FSHR: variants seen among roughly 807,000 people sequenced by gnomAD.
FSHR encodes the protein follicle-stimulating hormone receptor.
A neutral mutation model predicts 52.1 loss-of-function variants in FSHR; 46 were observed. The observed-to-expected ratio is 0.88, with a 90% CI of 0.70 to 1.13. The LOEUF (loss-of-function observed/expected upper bound fraction) is 1.13. FSHR is among the 50% of genes most tolerant of loss of function. The pLI is 0.00. For synonymous variants in FSHR, 399 were observed against 309.6 expected (o/e 1.29, Z -3.03); for missense variants, 964 against 834.6 (o/e 1.16, Z -1.91).
At chr2:49,109,804 G>A (rs13026647) in intron 1 of FSHR, among the ~76,000 whole-genome samples, 32,590 of 152,040 alleles carry the variant, frequency 0.21, 4,223 homozygotes, top group East Asian at 0.47. Context: ...AATTAGGAAC[G>A]TGAAAATAAA....
chr2:49,121,350 G>GAACCAAATA (rs919041650), intron 1 of FSHR, among the ~76,000 whole-genome samples: 1 of 152,136 alleles, frequency 6.6e-6, no homozygotes, highest in African/African-American at 2.4e-5. Flanking sequence ...TTCCTTTGTG[G>GAACCAAATA]AACCAAATAA....
intron 1 of FSHR, among the ~76,000 whole-genome samples, chr2:49,106,921 A>G (rs1360919589): frequency 2.0e-5 from 3 of 152,190 alleles, no homozygotes; most frequent in Admixed American, 6.5e-5. Flanking sequence ...ATTACTGACC[A>G]TAATGAGCCA....
intron 1 of FSHR, among the ~76,000 whole-genome samples, chr2:49,095,832 A>G (rs1670805469): frequency 6.6e-6 from 1 of 152,194 alleles, no homozygotes; most frequent in South Asian, 2.1e-4. Flanking sequence ...TCCAGTAAAG[A>G]TATACAAATA....
At chr2:48,981,239 T>C (rs1162121917) in intron 8 of FSHR, among the ~76,000 whole-genome samples, 2 of 152,310 alleles carry the variant, frequency 1.3e-5, no homozygotes, top group East Asian at 3.9e-4. Flanking sequence ...ACTTGATATA[T>C]TAAGTTGTAT....
At chr2:49,149,956 C>T (rs1673005180) in intron 1 of FSHR, among the ~76,000 whole-genome samples, 1 of 151,998 alleles carries the variant, frequency 6.6e-6, no homozygotes, top group South Asian at 2.1e-4. Flanking sequence ...CCCTTTTCTT[C>T]TTTAGTATTA....
intron 4 of FSHR, among the ~76,000 whole-genome samples, chr2:48,998,902 A>G (rs756091895): frequency 1.8e-4 from 27 of 152,266 alleles, no homozygotes; most frequent in Non-Finnish European, 2.6e-4. Context: ...CATATTATTC[A>G]TCTTGATTTC....
intron 8 of FSHR, among the ~76,000 whole-genome samples, chr2:48,980,113 G>A (rs1675179993): frequency 6.6e-6 from 1 of 152,188 alleles, no homozygotes; most frequent in Non-Finnish European, 1.5e-5. Flanking sequence ...TGATCTGAAA[G>A]CCCCAGAAAG....
chr2:49,058,666 C>G (rs1431132528), intron 2 of FSHR, among the ~76,000 whole-genome samples: 1 of 151,378 alleles, frequency 6.6e-6, no homozygotes, highest in African/African-American at 2.4e-5. Flanking sequence ...CAATAAACTA[C>G]CTGAAAAAAA....
chr2:48,975,417 A>T (rs1674941682), intron 8 of FSHR, among the ~76,000 whole-genome samples: 1 of 151,818 alleles, frequency 6.6e-6, no homozygotes, highest in African/African-American at 2.4e-5. Context: ...AAGTCAGTCC[A>T]CCCAATGTAT....
chr2:49,149,377 T>A (rs1672981568), intron 1 of FSHR, among the ~76,000 whole-genome samples: 1 of 151,990 alleles, frequency 6.6e-6, no homozygotes, highest in African/African-American at 2.4e-5. Flanking sequence ...TAAAAACGAA[T>A]CCAAGAGTCC....
chr2:49,086,960 C>T (rs949496859), intron 1 of FSHR, among the ~76,000 whole-genome samples: 2 of 151,226 alleles, frequency 1.3e-5, no homozygotes, highest in Admixed American at 1.3e-4. Context: ...AAAAGATACT[C>T]ATGTGATTTT....
chr2:49,092,746 A>C (rs574130044), intron 1 of FSHR, among the ~76,000 whole-genome samples: 2 of 152,098 alleles, frequency 1.3e-5, no homozygotes, highest in East Asian at 1.9e-4. Context: ...GCTCACTGCA[A>C]CCTTCACCTC....
chr2:49,095,845 C>T (rs563661812), intron 1 of FSHR, among the ~76,000 whole-genome samples: 1 of 152,100 alleles, frequency 6.6e-6, no homozygotes, highest in African/African-American at 2.4e-5. Flanking sequence ...TACAAATAGC[C>T]AATAGACATA....
At chr2:49,067,477 C>A (rs938462850) in intron 2 of FSHR, among the ~76,000 whole-genome samples, 1 of 152,076 alleles carries the variant, frequency 6.6e-6, no homozygotes, top group African/African-American at 2.4e-5. Flanking sequence ...GCTATACTTA[C>A]TGGCATTAAA....
chr2:49,086,519 C>G lies in FSHR; in HGVS notation c.153-18229G>C, dbSNP rs1243747867. 2.0e-5 allele frequency among the ~76,000 whole-genome samples: 3 copies of G among 152,312 alleles called. No individual in the cohort carries two copies. In the East Asian group the frequency reaches 5.8e-4, roughly 29 times the overall value. ...TGCAGTCCGAGTGGGCTTCAGAACT[C>G]AGTGATTCTCACATCTGGCTTCATT... On this transcript the variant is annotated intron_variant, in intron 1 of 9. Transcript: ENST00000406846.
intron 1 of FSHR, among the ~76,000 whole-genome samples, chr2:49,095,228 C>T (rs1670778529): frequency 6.6e-6 from 1 of 152,084 alleles, no homozygotes; most frequent in Non-Finnish European, 1.5e-5. Context: ...TTTCAAAATT[C>T]ACTACAGAGC....
At position 48,985,476 on chromosome 2, in the gene FSHR, C is replaced by G. The variant is rs929032201; in HGVS notation, c.525-2310G>C. Among the ~76,000 whole-genome samples the G allele has an allele frequency of 2.6e-5, 4 of 152,224 alleles. No homozygotes were observed. In the East Asian group the frequency reaches 7.7e-4, roughly 29 times the overall value. ...ACATTATTCTCCTGGCTGGCCATAG[C>G]TAGGTGCTTTCCCCATTCAGGCACT... On this transcript the variant is annotated intron_variant, in intron 6 of 9. Coordinates refer to ENST00000406846, the MANE Select transcript of FSHR (RefSeq NM_000145.4).
intron 2 of FSHR, among the ~76,000 whole-genome samples, chr2:49,025,916 C>T (rs1171956116): frequency 6.6e-6 from 1 of 152,216 alleles, no homozygotes; most frequent in Non-Finnish European, 1.5e-5. Context: ...CCACTGAAAT[C>T]ATAACCTAAA....
chr2:49,127,452 G>T (rs984907569), intron 1 of FSHR, among the ~76,000 whole-genome samples: 3 of 152,036 alleles, frequency 2.0e-5, no homozygotes, highest in Admixed American at 6.6e-5. Flanking sequence ...AAAGGAAAAA[G>T]AAATTGAACG....
Sources: gnomAD v4.1 joint callset for allele counts (sites outside exome capture counted in the v4.1 genomes callset) on GRCh38, gnomAD v4.1.1 for gene constraint, MANE v1.5 for transcripts, NCBI Gene and HGNC (gene_info 2026-07-23, HGNC 2026-07-21) for gene names.